Variants in COL4A4 observed in about 807,000 individuals in gnomAD.
The protein encoded by COL4A4 is collagen alpha-4(IV) chain.
Under a neutral mutation model 192.9 loss-of-function variants are expected in COL4A4, and 105 were observed. The ratio of observed to expected loss-of-function variants is 0.54; its 90% CI spans 0.46 to 0.64. COL4A4 has a LOEUF of 0.64. Ranked by LOEUF, COL4A4 falls within the 30% of genes least tolerant of loss-of-function variation. The probability of loss-of-function intolerance (pLI) is 0.00; values close to 1 mark genes in which losing one functional copy is unlikely to be tolerated. For synonymous variants in COL4A4, 762 were observed against 769.9 expected (o/e 0.99, Z 0.17); for missense variants, 1,967 against 2,169.3 (o/e 0.91, Z 1.85).
downstream of COL4A4, chr2:226,999,114 A>C (rs1285719890): frequency 6.6e-6 from 1 of 152,226 alleles, no homozygotes; most frequent in Admixed American, 6.5e-5. Flanking sequence ...TCATGAGGGC[A>C]GGGACCATCT....
intron 25 of COL4A4, among the ~76,000 whole-genome samples, chr2:227,077,024 C>G (rs549654886): frequency 6.6e-6 from 1 of 152,280 alleles, no homozygotes; most frequent in East Asian, 1.9e-4. Context: ...AATAGGAACA[C>G]TTTTACACTG....
chr2:227,041,236 A>ATAG (rs1970751214), intron 37 of COL4A4, among the ~76,000 whole-genome samples: 3 of 152,148 alleles, frequency 2.0e-5, no homozygotes, highest in African/African-American at 7.2e-5. Context: ...ATTTTCTTCA[A>ATAG]AACTGTACAC....
intron 12 of COL4A4, among the ~76,000 whole-genome samples, chr2:227,107,285 A>G (rs1220785685): frequency 6.6e-6 from 1 of 152,166 alleles, no homozygotes; most frequent in Non-Finnish European, 1.5e-5. Context: ...TGCTACTGAC[A>G]TCTAGTGGGG....
chr2:227,000,122 G>T (rs556786464), downstream of COL4A4, among the ~76,000 whole-genome samples: 1 of 152,250 alleles, frequency 6.6e-6, no homozygotes, highest in Non-Finnish European at 1.5e-5. Flanking sequence ...CATATCCTTA[G>T]TAGCAGATAA....
At chr2:227,132,323 C>A (rs540544668) in intron 4 of COL4A4, among the ~76,000 whole-genome samples, 1 of 152,178 alleles carries the variant, frequency 6.6e-6, no homozygotes, top group Non-Finnish European at 1.5e-5. Context: ...GTCTGTCTCT[C>A]GGTTTGGCTC....
rs1399050739 is a variant in COL4A4, at chr2:227,082,149, C to G, written c.1662G>C (p.Gly554=). The change falls in exon 23 of 48, where the codon GGG becomes GGC. Residue 554 remains glycine, a synonymous_variant. Transcript: ENST00000396625. ...TTGATACAACCATGTCACCCTTCGC[C>G]CCTTTGTTGCCAGGTGGTCCAGAGG... ...HGASGPPGNK[G]AKGDMVVSRV... 9 of 1,614,110 alleles carry G rather than the reference C, an allele frequency of 5.6e-6. No individual in the cohort carries two copies. Among genetic ancestry groups the G allele is most frequent in the Middle Eastern group, 3.3e-4 (2 of 6,062 alleles).
At chr2:227,132,300 G>A (rs900391093) in intron 4 of COL4A4, among the ~76,000 whole-genome samples, 3 of 152,170 alleles carry the variant, frequency 2.0e-5, no homozygotes, top group African/African-American at 4.8e-5. Context: ...AATAGTGGCC[G>A]GAGGGGAGTC....
At chr2:227,138,588 G>T (rs570858575) in intron 4 of COL4A4, among the ~76,000 whole-genome samples, 1 of 148,060 alleles carries the variant, frequency 6.8e-6, no homozygotes, top group African/African-American at 2.5e-5. Flanking sequence ...AGCCGAGATC[G>T]CGCCACCGCA....
rs1559475564 is a variant in COL4A4 at position 227,041,767 on chromosome 2, G to A, written c.3505+381C>T. 8.6e-4 allele frequency among the ~76,000 whole-genome samples: 98 copies of A among 114,520 alleles called. 3 individuals carry two copies. The highest frequency in any genetic ancestry group is 2.6e-3 in the African/African-American group (66 of 25,566). The allele number at this position is 114,520 out of a possible 152,430, so 75.1% of individuals were successfully genotyped here. On this transcript the variant is annotated intron_variant, in intron 37 of 47. Coordinates refer to ENST00000396625, the MANE Select transcript of COL4A4 (RefSeq NM_000092.5). ...GGAAGGAAGGAAGGAAGGAAGGAAG[G>A]AAGGAAGGAAGGAAGGAAGGGAAAG... is the stretch of plus-strand genomic sequence containing the variant.
chr2:227,050,588 G>A (rs559824312), intron 33 of COL4A4, among the ~76,000 whole-genome samples: 1 of 152,298 alleles, frequency 6.6e-6, no homozygotes, highest in East Asian at 1.9e-4. Context: ...TTTACTCATG[G>A]TTGTGAAGAC....
At chr2:227,041,837 A>AG (rs1559477777) in intron 37 of COL4A4, among the ~76,000 whole-genome samples, 20 of 44,324 alleles carry the variant, frequency 4.5e-4, no homozygotes, top group Admixed American at 1.5e-3. Context: ...AGAAAGAAAG[A>AG]AAGAAAGAAA....
At chr2:227,142,888 A>G (rs2063315433) in intron 3 of COL4A4, among the ~76,000 whole-genome samples, 1 of 152,222 alleles carries the variant, frequency 6.6e-6, no homozygotes, top group Non-Finnish European at 1.5e-5. Flanking sequence ...AGAGTGTAAC[A>G]GGAAAACAAA....
chr2:227,051,344 G>A (rs1974060880), intron 32 of COL4A4, among the ~76,000 whole-genome samples, 186 bp from the exon 33 acceptor site: 1 of 152,166 alleles, frequency 6.6e-6, no homozygotes, highest in South Asian at 2.1e-4. Flanking sequence ...AGCTGCCTGG[G>A]AATATCTAAG....
In COL4A4 at chr2:227,108,543, G is replaced by C. The variant is rs187735055; in HGVS notation, c.735+38C>G. On this transcript the variant is annotated intron_variant, in intron 12 of 47. Coordinates refer to ENST00000396625, the MANE Select transcript of COL4A4 (RefSeq NM_000092.5). ...CTCCACCCCTGAGCAGCACACACACGTCACCATCTGCTCCTCAGAGCAAGA... is the reference window on the plus strand; with the variant it reads ...CTCCACCCCTGAGCAGCACACACACCTCACCATCTGCTCCTCAGAGCAAGA... The C allele has an allele frequency of 4.4e-6, 7 of 1,598,034 alleles. No homozygotes were observed. The East Asian group carries it at 1.3e-4, about 31-fold the overall frequency.
In COL4A4 at chr2:227,140,167, C is replaced by G. The variant is rs748918803; in HGVS notation, c.186G>C (p.Gly62=). 8.1e-6 allele frequency: 13 copies of G among 1,613,890 alleles called. No individual in the cohort carries two copies. Among genetic ancestry groups the G allele is most frequent in the Non-Finnish European group, 1.0e-5 (12 of 1,179,776 alleles). The change falls in exon 4 of 48, where the codon GGG becomes GGC. Residue 62 remains glycine (G), a synonymous_variant. Transcript: ENST00000396625. Reference sequence around the variant, plus strand: ...TGGTCTTTACATCACTTACCCGAGACCCCTTTTCAGGAACACAGTGGCAAA... The same window carrying G: ...TGGTCTTTACATCACTTACCCGAGAGCCCTTTTCAGGAACACAGTGGCAAA... The part of the protein sequence containing the change: ...CSVCHCVPEK[G]SRGPPGPPGP...
chr2:227,004,986 G>C lies in COL4A4; in HGVS notation c.*2339C>G, dbSNP rs1328463471. The C allele has an allele frequency of 2.6e-5, 4 of 152,162 alleles. No individual in the cohort carries two copies. Among genetic ancestry groups the C allele is most frequent in the Non-Finnish European group, 2.9e-5 (2 of 68,030 alleles). The allele number at this position is 152,162 out of a possible 1,614,324, so 9.4% of individuals were successfully genotyped here. On this transcript the variant is annotated 3_prime_UTR_variant, in exon 48 of 48. Transcript: ENST00000396625. Reference sequence around the variant, plus strand: ...TGAAGGCACATTGATATATAACCAGGTGAAGAAAATAATGGTTTAAGGTAA... The same window carrying C: ...TGAAGGCACATTGATATATAACCAGCTGAAGAAAATAATGGTTTAAGGTAA...
downstream of COL4A4, chr2:226,999,290 T>G (rs183690406): frequency 4.6e-5 from 7 of 152,330 alleles, no homozygotes; most frequent in Admixed American, 2.0e-4. Context: ...GTAGGTCTTT[T>G]TTTTTTCCCT....
chr2:226,976,198 G>A, the COL4A4 span, among the ~76,000 whole-genome samples: 1 of 149,920 alleles, frequency 6.7e-6, no homozygotes, highest in Non-Finnish European at 1.5e-5. Flanking sequence ...GGGCTTCTGG[G>A]GCAGTCCAGG....
At chr2:227,078,510 C>T (rs911262903) in intron 24 of COL4A4, among the ~76,000 whole-genome samples, 2 of 152,184 alleles carry the variant, frequency 1.3e-5, no homozygotes, top group African/African-American at 4.8e-5. Flanking sequence ...GCAGGGATTA[C>T]AGGCGTCAGC....
Sources: allele counts gnomAD v4.1 joint callset (sites outside exome capture counted in the v4.1 genomes callset), GRCh38; gene constraint gnomAD v4.1.1; transcripts MANE v1.5; gene names NCBI Gene and HGNC (gene_info 2026-07-23, HGNC 2026-07-21).